Variants in SNX9 observed in about 807,000 individuals in gnomAD.
The protein encoded by SNX9 is sorting nexin-9.
SNX9 carries 44 observed loss-of-function variants against 89.4 expected under a neutral mutation model. That is an observed-to-expected ratio of 0.49 (90% CI 0.39 to 0.63). The LOEUF (loss-of-function observed/expected upper bound fraction) is 0.63. Among genes scored for constraint, SNX9 ranks in the 30% least tolerant of loss-of-function variants. SNX9 has a pLI of 0.00. For synonymous variants in SNX9, 236 were observed against 247.8 expected, an observed-to-expected ratio of 0.95 and a Z score of 0.45; for missense variants, 578 against 736.1, an observed-to-expected ratio of 0.79 and a Z score of 2.49.
chr6:157,831,397 A>G (rs1040411411), intron 1 of SNX9, among the ~76,000 whole-genome samples: 8 of 152,352 alleles, frequency 5.3e-5, no homozygotes, highest in African/African-American at 1.7e-4. Context: ...TTTCTCAGCC[A>G]TACTGGGTAG....
intron 9 of SNX9, among the ~76,000 whole-genome samples, chr6:157,915,640 A>AATATATATAT (rs1411739606): frequency 3.2e-5 from 3 of 95,150 alleles, no homozygotes; most frequent in African/African-American, 1.4e-4. Context: ...AAAAAAAAAA[A>AATATATATAT]ATATATATAT....
chr6:157,914,472 T>C (rs1490941762), intron 9 of SNX9, among the ~76,000 whole-genome samples: 1 of 123,814 alleles, frequency 8.1e-6, no homozygotes, highest in East Asian at 2.1e-4. Context: ...TCTTTTTCTT[T>C]TTTTTTTTTT....
In SNX9 at chr6:157,896,689, T is replaced by C. The variant is rs575673181; in HGVS notation, c.301-138T>C. 14 of 960,164 alleles carry C rather than the reference T, an allele frequency of 1.5e-5. No homozygotes were observed. In the Admixed American group the frequency reaches 2.1e-4, roughly 14 times the overall value. 59.5% of individuals were successfully genotyped at this position (960,164 alleles called of 1,614,324 possible). The stretch of plus-strand genomic sequence containing the variant: ...TGTTTGGAAATTAAAATATTATGTA[T>C]GTAAAATTGTTTTGAATACATTTCT... On this transcript the variant is annotated intron_variant, in intron 4 of 17. Transcript: ENST00000392185.
intron 1 of SNX9, among the ~76,000 whole-genome samples, chr6:157,838,439 C>G (rs986382545): frequency 1.3e-5 from 2 of 152,030 alleles, no homozygotes; most frequent in African/African-American, 4.8e-5. Flanking sequence ...TAGATATCTT[C>G]CATTAGGTGT....
At chr6:157,848,015 C>T (rs557403482) in intron 1 of SNX9, among the ~76,000 whole-genome samples, 1 of 152,268 alleles carries the variant, frequency 6.6e-6, no homozygotes, top group African/African-American at 2.4e-5. Flanking sequence ...GACCCCTCCT[C>T]ACCTGCCTGC....
chr6:157,928,536 G>T (rs995081477), intron 11 of SNX9, 63 bp from the exon 12 acceptor site: 2 of 1,325,900 alleles, frequency 1.5e-6, no homozygotes, highest in Non-Finnish European at 2.1e-6. Flanking sequence ...TATTTGGCCC[G>T]AGTATCCCCA....
chr6:157,902,234 A>C (rs1212244558), intron 6 of SNX9, among the ~76,000 whole-genome samples, 189 bp downstream of exon 6: 3 of 150,032 alleles, frequency 2.0e-5, no homozygotes, highest in Non-Finnish European at 4.4e-5. Flanking sequence ...AGGATTTTTG[A>C]TTTACAAGGT....
chr6:157,919,410 A>G (rs751359552), intron 9 of SNX9, among the ~76,000 whole-genome samples: 11 of 151,902 alleles, frequency 7.2e-5, no homozygotes, highest in Non-Finnish European at 1.6e-4. Flanking sequence ...TGTGTTCTTC[A>G]TGTTAGTTAA....
At chr6:157,835,564 G>A (rs546458683) in intron 1 of SNX9, among the ~76,000 whole-genome samples, 5 of 151,770 alleles carry the variant, frequency 3.3e-5, no homozygotes, top group Admixed American at 6.6e-5. Context: ...GTTAGGCTTC[G>A]TGTCCCCACC....
chr6:157,894,291 G>T (rs536683668), intron 4 of SNX9, among the ~76,000 whole-genome samples: 67 of 150,720 alleles, frequency 4.4e-4, no homozygotes, highest in Non-Finnish European at 8.6e-4. Flanking sequence ...TGTATTTTTA[G>T]TAGAGATGGG....
At chr6:157,833,463 ATAT>A (rs1441038169) in intron 1 of SNX9, among the ~76,000 whole-genome samples, 1 of 152,160 alleles carries the variant, frequency 6.6e-6, no homozygotes, top group Non-Finnish European at 1.5e-5. Context: ...AGGATTACAA[ATAT>A]TATTTTGTAA....
chr6:157,865,335 C>G (rs1233336796), intron 1 of SNX9, among the ~76,000 whole-genome samples: 1 of 138,300 alleles, frequency 7.2e-6, no homozygotes, highest in Non-Finnish European at 1.5e-5. Flanking sequence ...GCGAAACAGT[C>G]TCAGGAAAAA....
intron 16 of SNX9, among the ~76,000 whole-genome samples, chr6:157,940,360 A>G (rs952624159): frequency 1.3e-5 from 2 of 152,242 alleles, no homozygotes; most frequent in Non-Finnish European, 2.9e-5. Flanking sequence ...AGTTTTGAAT[A>G]TGCAAGACAG....
intron 4 of SNX9, among the ~76,000 whole-genome samples, chr6:157,880,371 C>T (rs552989196): frequency 6.6e-6 from 1 of 152,320 alleles, no homozygotes; most frequent in South Asian, 2.1e-4. Flanking sequence ...GTTCCAGCCT[C>T]TCTCACTATT....
chr6:157,854,104 A>G (rs1034332139), intron 1 of SNX9, among the ~76,000 whole-genome samples: 3 of 152,144 alleles, frequency 2.0e-5, no homozygotes, highest in African/African-American at 7.2e-5. Context: ...GGTGTGGGAG[A>G]TGGGTACTCT....
chr6:157,891,169 T>C (rs1431288682), intron 4 of SNX9, among the ~76,000 whole-genome samples: 1 of 151,570 alleles, frequency 6.6e-6, no homozygotes, highest in Admixed American at 6.6e-5. Context: ...GTAGCTGGGA[T>C]TATAGGCTCC....
chr6:157,863,843 G>A (rs1782196515), intron 1 of SNX9, among the ~76,000 whole-genome samples: 1 of 152,144 alleles, frequency 6.6e-6, no homozygotes, highest in Non-Finnish European at 1.5e-5. Flanking sequence ...GCATCTCTAG[G>A]CTGAATGGTC....
intron 9 of SNX9, among the ~76,000 whole-genome samples, chr6:157,914,026 A>G (rs1281829691): frequency 6.6e-6 from 1 of 152,194 alleles, no homozygotes; most frequent in East Asian, 1.9e-4. Context: ...TGACTGGGTC[A>G]TTTGGCAAGT....
At chr6:157,898,750 A>G (rs1460900996) in intron 5 of SNX9, among the ~76,000 whole-genome samples, 1 of 152,218 alleles carries the variant, frequency 6.6e-6, no homozygotes, top group Non-Finnish European at 1.5e-5. Context: ...TCTCCTCTGT[A>G]AGCACATTGG....
Sources: gnomAD v4.1 joint callset for allele counts (sites outside exome capture counted in the v4.1 genomes callset) on GRCh38, gnomAD v4.1.1 for gene constraint, MANE v1.5 for transcripts, NCBI Gene and HGNC (gene_info 2026-07-23, HGNC 2026-07-21) for gene names.